SLC39A11: variants seen among roughly 807,000 people sequenced by gnomAD.
The protein encoded by SLC39A11 is solute carrier family 39 member 11.
Under a neutral mutation model 36.1 loss-of-function variants are expected in SLC39A11, and 33 were observed. The ratio of observed to expected loss-of-function variants is 0.91; its 90% CI spans 0.69 to 1.22. SLC39A11 has a LOEUF of 1.22. SLC39A11 is among the 50% of genes most tolerant of loss of function. SLC39A11 has a pLI of 0.00. For synonymous variants in SLC39A11, 166 were observed against 170.3 expected, an observed-to-expected ratio of 0.97 and a Z score of 0.20; for missense variants, 432 against 430.3, an observed-to-expected ratio of 1.00 and a Z score of -0.03.
intron 5 of SLC39A11, among the ~76,000 whole-genome samples, chr17:72,890,090 T>A (rs188207093): frequency 6.6e-6 from 1 of 151,692 alleles, no homozygotes; most frequent in Non-Finnish European, 1.5e-5. Context: ...TGAAACCTGG[T>A]CTCCACTAAA....
At chr17:73,088,825 C>T (rs2060830354) in intron 1 of SLC39A11, 50 bp from the exon 2 acceptor site, 2 of 1,371,316 alleles carry the variant, frequency 1.5e-6, no homozygotes, top group South Asian at 2.5e-5. Flanking sequence ...GTTTCAGTGA[C>T]AGGCGCATAT....
At chr17:72,717,867 G>A (rs1318228198) in intron 7 of SLC39A11, among the ~76,000 whole-genome samples, 2 of 152,162 alleles carry the variant, frequency 1.3e-5, no homozygotes, top group African/African-American at 4.8e-5. Flanking sequence ...AGGTGAGGCT[G>A]GAGAAGTGAG....
intron 5 of SLC39A11, among the ~76,000 whole-genome samples, chr17:72,912,612 G>A (rs1420558701): frequency 6.6e-6 from 1 of 151,838 alleles, no homozygotes; most frequent in African/African-American, 2.4e-5. Context: ...AAAGGTGCAA[G>A]ACAGGATCCT....
intron 5 of SLC39A11, among the ~76,000 whole-genome samples, chr17:72,873,945 C>A (rs557774349): frequency 3.3e-5 from 5 of 152,160 alleles, no homozygotes; most frequent in African/African-American, 1.2e-4. Context: ...GGGCTCCCCC[C>A]ACTTGCTCAG....
At chr17:72,807,899 T>C (rs1045633309) in intron 6 of SLC39A11, among the ~76,000 whole-genome samples, 3 of 152,176 alleles carry the variant, frequency 2.0e-5, no homozygotes, top group Non-Finnish European at 4.4e-5. Flanking sequence ...GCTGACAACC[T>C]AGATTGGTGT....
At chr17:72,660,943 C>T (rs1306132475) in intron 7 of SLC39A11, among the ~76,000 whole-genome samples, 1 of 152,190 alleles carries the variant, frequency 6.6e-6, no homozygotes, top group Non-Finnish European at 1.5e-5. Context: ...GACCCACTGA[C>T]CTTGAGTAAA....
At chr17:72,773,745 T>C (rs543267946) in intron 6 of SLC39A11, among the ~76,000 whole-genome samples, 1 of 152,092 alleles carries the variant, frequency 6.6e-6, no homozygotes, top group Non-Finnish European at 1.5e-5. Flanking sequence ...TCAGGCTGAC[T>C]ATAGCTCTTG....
chr17:72,842,078 A>ATGTGTGTGTGTGTGTGTG (rs61185081), intron 6 of SLC39A11, among the ~76,000 whole-genome samples: 10 of 148,898 alleles, frequency 6.7e-5, no homozygotes, highest in African/African-American at 1.2e-4. Flanking sequence ...TCAAAAAACT[A>ATGTGTGTGTGTGTGTGTG]TGTGTGTGTG....
At chr17:72,824,379 G>A (rs879598119) in intron 6 of SLC39A11, among the ~76,000 whole-genome samples, 3 of 151,350 alleles carry the variant, frequency 2.0e-5, no homozygotes, top group African/African-American at 7.2e-5. Context: ...GCAGAACTGT[G>A]AGCCAATTAA....
At chr17:73,090,346 C>T (rs574659957) in intron 1 of SLC39A11, among the ~76,000 whole-genome samples, 1 of 152,250 alleles carries the variant, frequency 6.6e-6, no homozygotes, top group South Asian at 2.1e-4. Context: ...CTCTAGTTCC[C>T]GCACTCTAAA....
intron 6 of SLC39A11, among the ~76,000 whole-genome samples, chr17:72,832,794 G>A (rs550505780): frequency 1.6e-4 from 24 of 152,300 alleles, no homozygotes; most frequent in African/African-American, 4.3e-4. Flanking sequence ...TAATTAATGT[G>A]CACTAAAATT....
At chr17:73,022,928 A>C (rs993347137) in intron 4 of SLC39A11, among the ~76,000 whole-genome samples, 1 of 152,202 alleles carries the variant, frequency 6.6e-6, no homozygotes, top group African/African-American at 2.4e-5. Flanking sequence ...AAAGAAAAAA[A>C]AAAACTCAGT....
At chr17:73,056,451 G>A (rs888069160) in intron 3 of SLC39A11, among the ~76,000 whole-genome samples, 4 of 152,156 alleles carry the variant, frequency 2.6e-5, no homozygotes, top group Non-Finnish European at 4.4e-5. Context: ...TTACAGGCAT[G>A]AGCCACCGCA....
At chr17:73,033,892 GCA>G (rs2058820346) in intron 3 of SLC39A11, among the ~76,000 whole-genome samples, 1 of 152,112 alleles carries the variant, frequency 6.6e-6, no homozygotes, top group South Asian at 2.1e-4. Flanking sequence ...TGTCAAACAT[GCA>G]CAGTCACTTG....
At chr17:73,053,829 T>C (rs1325787817) in intron 3 of SLC39A11, among the ~76,000 whole-genome samples, 1 of 152,210 alleles carries the variant, frequency 6.6e-6, no homozygotes, top group Non-Finnish European at 1.5e-5. Context: ...CCTGAGATGT[T>C]CATCATAATT....
intron 7 of SLC39A11, among the ~76,000 whole-genome samples, chr17:72,664,796 T>A (rs1247336779): frequency 2.0e-5 from 3 of 152,214 alleles, no homozygotes; most frequent in Non-Finnish European, 2.9e-5. Flanking sequence ...TTCTGATTTA[T>A]CTTCTCTCCA....
At chr17:73,010,851 A>C (rs1041720678) in intron 4 of SLC39A11, among the ~76,000 whole-genome samples, 15 of 152,364 alleles carry the variant, frequency 9.8e-5, no homozygotes, top group African/African-American at 3.4e-4. Context: ...TCTGCTCCCC[A>C]AAAATAACTC....
At chr17:73,052,783 C>T (rs892694539) in intron 3 of SLC39A11, among the ~76,000 whole-genome samples, 2 of 152,206 alleles carry the variant, frequency 1.3e-5, no homozygotes, top group African/African-American at 4.8e-5. Flanking sequence ...TCACTGCAAC[C>T]TCCACCTCCC....
intron 4 of SLC39A11, among the ~76,000 whole-genome samples, chr17:73,017,963 T>C (rs966098284): frequency 2.0e-5 from 3 of 152,330 alleles, no homozygotes; most frequent in Non-Finnish European, 4.4e-5. Context: ...AGAGGTCATA[T>C]GGTACTAGAA....
Sources: allele counts gnomAD v4.1 joint callset (sites outside exome capture counted in the v4.1 genomes callset), GRCh38; gene constraint gnomAD v4.1.1; transcripts MANE v1.5; gene names NCBI Gene and HGNC (gene_info 2026-07-23, HGNC 2026-07-21).